The following ADGRG5 variants were observed in gnomAD, a reference collection of about 807,000 sequenced individuals.
The protein encoded by ADGRG5 is G protein-coupled receptor 114.
A neutral mutation model predicts 53.2 loss-of-function variants in ADGRG5; 37 were observed. The observed-to-expected ratio is 0.70, with a 90% CI of 0.53 to 0.91. The LOEUF (loss-of-function observed/expected upper bound fraction) is 0.91, where lower values mean the gene tolerates loss of function less well. ADGRG5 is among the 40% of genes least tolerant of loss of function. ADGRG5 has a pLI of 0.00. For synonymous variants in ADGRG5, 277 were observed against 290.4 expected (o/e 0.95, Z 0.47); for missense variants, 614 against 675.8 (o/e 0.91, Z 1.01).
intron 1 of ADGRG5, among the ~76,000 whole-genome samples, chr16:57,560,182 C>T (rs1438656985): frequency 1.3e-5 from 2 of 152,218 alleles, no homozygotes; most frequent in Non-Finnish European, 2.9e-5. Flanking sequence ...TCAGCATCAA[C>T]CCGGGCCTTC....
chr16:57,572,441 C>G (rs886765888), intron 10 of ADGRG5, among the ~76,000 whole-genome samples: 2 of 152,130 alleles, frequency 1.3e-5, no homozygotes, highest in Admixed American at 6.5e-5. Flanking sequence ...CCACTGCACT[C>G]CAGCCTGGGC....
rs748794008 is a variant in ADGRG5, at chr16:57,567,558, C to T, written c.788C>T (p.Ser263Leu). The change falls in exon 8 of 12, where the codon TCG (serine) becomes TTG (leucine). Residue 263 changes from serine to leucine, a missense_variant. Coordinates refer to ENST00000349457, the MANE Select transcript of ADGRG5 (RefSeq NM_001304376.3). ...GGCTGCAGCATCTCCATCGTGGCCTCGCTGATCACAGTCCTGCTGCACTTC... is the reference window on the plus strand; with the variant it reads ...GGCTGCAGCATCTCCATCGTGGCCTTGCTGATCACAGTCCTGCTGCACTTC... ...LVGCSISIVASLITVLLHFHF... is the reference protein window; with the variant it reads ...LVGCSISIVALLITVLLHFHF... 1.2e-6 allele frequency: 2 copies of T among 1,611,656 alleles called. No individual in the cohort carries two copies. Among genetic ancestry groups the T allele is most frequent in the African/African-American group, 2.7e-5 (2 of 74,912 alleles).
At chr16:57,566,887 T>C in intron 7 of ADGRG5, 136 bp downstream of exon 7, 1 of 743,484 alleles carries the variant, frequency 1.3e-6, no homozygotes, top group East Asian at 3.2e-5. Context: ...AAAAACTTTA[T>C]GGACTCATGT....
rs749236917 is a variant in ADGRG5, at chr16:57,567,885, A to C, written c.851A>C (p.His284Pro). The part of the protein sequence containing the change: ...RKQSDSLTRI[H>P]MNLHASVLLL... ...CAGAGTGACTCCTTAACACGCATCC[A>C]CATGAACCTGCATGCCTCCGTGCTG... Residue 284 changes from histidine (H) to proline (P), a missense_variant, in exon 9 of 12, where the codon CAC (histidine) becomes CCC (proline). Coordinates refer to ENST00000349457, the MANE Select transcript of ADGRG5 (RefSeq NM_001304376.3). The C allele has an allele frequency of 5.6e-6, 9 of 1,612,470 alleles. No homozygotes were observed. The highest frequency in any genetic ancestry group is 7.6e-6 in the Non-Finnish European group (9 of 1,179,844).
chr16:57,540,362 TTATC>T (rs1205084747), upstream of ADGRG5, among the ~76,000 whole-genome samples: 2 of 152,196 alleles, frequency 1.3e-5, no homozygotes, highest in Non-Finnish European at 2.9e-5. Flanking sequence ...TTGTGACTGT[TTATC>T]TAAAGTCCTG....
intron 1 of ADGRG5, among the ~76,000 whole-genome samples, chr16:57,552,795 A>G (rs1232792913): frequency 6.6e-6 from 1 of 152,114 alleles, no homozygotes; most frequent in Non-Finnish European, 1.5e-5. Context: ...CTGGGTTTTC[A>G]CGTGTCTTCC....
intron 9 of ADGRG5, among the ~76,000 whole-genome samples, chr16:57,568,527 G>A (rs572505238): frequency 3.8e-5 from 4 of 104,366 alleles, no homozygotes; most frequent in South Asian, 3.4e-4. Context: ...CCTCCTCCAC[G>A]TACATCACCA....
rs781294748 is a variant in ADGRG5 at position 57,575,477 on chromosome 16, G to A, written c.1526G>A (p.Arg509His). Residue 509 changes from arginine to histidine, a missense_variant, in exon 12 of 12, where the codon CGC becomes CAC. Transcript: ENST00000349457. ...LFLWFCSQRCRSEAEAKAQIE... is the reference protein window; with the variant it reads ...LFLWFCSQRCHSEAEAKAQIE... ...CTGTGGTTCTGCTCCCAGCGGTGCC[G>A]CTCAGAAGCAGAGGCCAAGGCACAG... The A allele has an allele frequency of 1.9e-5, 30 of 1,614,048 alleles. No individual in the cohort carries two copies. The highest frequency in any genetic ancestry group is 8.9e-5 in the East Asian group (4 of 44,896).
intron 1 of ADGRG5, chr16:57,543,269 T>C (rs1451413380): frequency 6.7e-5 from 10 of 149,610 alleles, no homozygotes; most frequent in African/African-American, 2.5e-4. Context: ...ACTATAGCAT[T>C]TCTTAGGGCT....
At position 57,566,564 on chromosome 16, in the gene ADGRG5, C is replaced by G. The variant is rs537627595; in HGVS notation, c.547-35C>G. The stretch of plus-strand genomic sequence containing the variant: ...CAGACACTGATCTGCAGCCTTTCCT[C>G]TGCACCCTATGACTGACCCAGCATC... On this transcript the variant is annotated intron_variant, in intron 6 of 11. Transcript: ENST00000349457. 5 of 1,436,948 alleles carry G rather than the reference C, an allele frequency of 3.5e-6. No homozygotes were observed. In the African/African-American group the frequency reaches 7.3e-5, roughly 21 times the overall value. 89.0% of individuals were successfully genotyped at this position (1,436,948 alleles called of 1,614,324 possible). A position where few individuals can be genotyped will look rare whatever the true frequency, so the allele number is the denominator to read the frequency against.
At chr16:57,562,258 T>C in intron 2 of ADGRG5, 101 bp downstream of exon 2, 1 of 1,424,876 alleles carries the variant, frequency 7.0e-7, no homozygotes, top group African/African-American at 1.4e-5. Flanking sequence ...AAAGGGCCAC[T>C]TAGGCTTCCT....
intron 1 of ADGRG5, among the ~76,000 whole-genome samples, chr16:57,552,186 G>A (rs1326880910): frequency 1.3e-5 from 2 of 152,274 alleles, no homozygotes; most frequent in Admixed American, 6.5e-5. Flanking sequence ...GGATTTTCAG[G>A]ATGTTAAATG....
intron 1 of ADGRG5, among the ~76,000 whole-genome samples, chr16:57,551,544 G>A (rs1164878336): frequency 1.3e-5 from 2 of 152,144 alleles, no homozygotes; most frequent in African/African-American, 4.8e-5. Flanking sequence ...ATCCATTCAA[G>A]TTTGATCATG....
intron 1 of ADGRG5, among the ~76,000 whole-genome samples, chr16:57,545,694 T>C (rs1330823727): frequency 1.3e-5 from 2 of 152,266 alleles, no homozygotes; most frequent in Non-Finnish European, 2.9e-5. Context: ...CATATTCTAA[T>C]GTTGTAGGAA....
chr16:57,546,534 T>C lies in ADGRG5; in HGVS notation c.-39+3833T>C, dbSNP rs140355668. On this transcript the variant is annotated intron_variant, in intron 1 of 11. Transcript: ENST00000349457. ...ATTGTACATATATAAAACTATTACA[T>C]GCAAATATTTTTCCTAATTTGTCAC... Among the ~76,000 whole-genome samples the C allele has an allele frequency of 9.2e-5, 14 of 152,374 alleles. No homozygotes were observed. The East Asian group carries it at 2.7e-3, about 29-fold the overall frequency.
At chr16:57,545,666 C>T (rs1218149989) in intron 1 of ADGRG5, among the ~76,000 whole-genome samples, 1 of 152,194 alleles carries the variant, frequency 6.6e-6, no homozygotes, top group Non-Finnish European at 1.5e-5. Flanking sequence ...AAGAGCAGAG[C>T]TTCCACTTTT....
chr16:57,559,695 C>A (rs1470588412), intron 1 of ADGRG5, among the ~76,000 whole-genome samples: 1 of 152,070 alleles, frequency 6.6e-6, no homozygotes, highest in African/African-American at 2.4e-5. Flanking sequence ...CTAGTTACCT[C>A]CAGAAACCAG....
chr16:57,531,323 G>T, the ADGRG5 span, among the ~76,000 whole-genome samples: 1 of 149,852 alleles, frequency 6.7e-6, no homozygotes, highest in Non-Finnish European at 1.5e-5. Context: ...TTCCAGCTTT[G>T]AAGGCACCCT....
intron 1 of ADGRG5, among the ~76,000 whole-genome samples, chr16:57,550,891 G>A (rs2032733343): frequency 6.6e-6 from 1 of 152,150 alleles, no homozygotes; most frequent in African/African-American, 2.4e-5. Context: ...AGCCGAGCAT[G>A]GTGGTGTGTG....
Sources: gnomAD v4.1 joint callset for allele counts (sites outside exome capture counted in the v4.1 genomes callset) on GRCh38, gnomAD v4.1.1 for gene constraint, MANE v1.5 for transcripts, NCBI Gene and HGNC (gene_info 2026-07-23, HGNC 2026-07-21) for gene names.